PKD1L1: variants seen among roughly 807,000 people sequenced by gnomAD.
PKD1L1 encodes the protein polycystin-1-like protein 1.
Under a neutral mutation model 323.4 loss-of-function variants are expected in PKD1L1, and 236 were observed. That is an observed-to-expected ratio of 0.73 (90% CI 0.66 to 0.81). The LOEUF (loss-of-function observed/expected upper bound fraction) is 0.81. Ranked by LOEUF, PKD1L1 falls within the 40% of genes least tolerant of loss-of-function variation. The pLI is 0.00. For synonymous variants in PKD1L1, 1,344 were observed against 1,335.0 expected (o/e 1.01, Z -0.15); for missense variants, 3,320 against 3,508.0 (o/e 0.95, Z 1.35).
At chr7:47,781,043 T>C (rs4295569) in intron 56 of PKD1L1, among the ~76,000 whole-genome samples, 58,320 of 152,038 alleles carry the variant, frequency 0.38, 11,830 homozygotes, top group East Asian at 0.77. Flanking sequence ...GATGTGGTCT[T>C]TGCATTCTTC....
At position 47,800,853 on chromosome 7, in the gene PKD1L1, G is replaced by A; in HGVS notation, c.7989C>T (p.Ala2663=). 6.2e-7 allele frequency: 1 copy of A among 1,613,986 alleles called. No individual in the cohort carries two copies. Among genetic ancestry groups the A allele is most frequent in the Non-Finnish European group, 8.5e-7 (1 of 1,179,984 alleles). Residue 2663 remains alanine, a synonymous_variant, in exon 54 of 57, where the codon GCC becomes GCT. Coordinates refer to ENST00000289672, the MANE Select transcript of PKD1L1 (RefSeq NM_138295.5). ...GCAGAAATCGGTGCAGGTGGGAGAG[G>A]GCGGCCAGCATCAGTGCCCCCACCA... is the stretch of plus-strand genomic sequence containing the variant. ...AGLVGALMLA[A]LSHLHRFLLS...
rs768484818 is a variant in PKD1L1, at chr7:47,837,075, G to A, written c.5789C>T (p.Thr1930Ile). 3.1e-6 allele frequency: 5 copies of A among 1,614,156 alleles called. No homozygotes were observed. In the South Asian group the frequency reaches 3.3e-5, roughly 11 times the overall value. Residue 1930 changes from threonine to isoleucine, a missense_variant, in exon 37 of 57, where the codon ACA becomes ATA. Transcript: ENST00000289672. ...GFRKLFYCKF[T>I]EYLEDFHVWL... Reference sequence around the variant, plus strand: ...GACATGGAAATCCTCCAGGTACTCTGTGAACTTGCAATAGAAAAGCTGAAA... The same window carrying A: ...GACATGGAAATCCTCCAGGTACTCTATGAACTTGCAATAGAAAAGCTGAAA...
chr7:47,812,104 G>C (rs1784912273), intron 49 of PKD1L1, 53 bp from the exon 50 acceptor site: 4 of 1,430,492 alleles, frequency 2.8e-6, no homozygotes, highest in Non-Finnish European at 3.8e-6. Context: ...AGGCACAGAA[G>C]TCTACTGAGG....
intron 23 of PKD1L1, among the ~76,000 whole-genome samples, chr7:47,874,856 C>T (rs538689521): frequency 2.5e-4 from 38 of 152,256 alleles, no homozygotes; most frequent in African/African-American, 8.2e-4. Context: ...TGCTTATGTT[C>T]GCCCCCTTAC....
chr7:47,828,550 T>A (rs1028222220), intron 44 of PKD1L1, among the ~76,000 whole-genome samples: 6 of 152,148 alleles, frequency 3.9e-5, no homozygotes, highest in African/African-American at 1.4e-4. Flanking sequence ...CTGGGTCTAA[T>A]TGCTTCACCT....
At chr7:47,934,666 C>G (rs1414609669) in intron 4 of PKD1L1, among the ~76,000 whole-genome samples, 1 of 152,008 alleles carries the variant, frequency 6.6e-6, no homozygotes, top group East Asian at 1.9e-4. Flanking sequence ...GATTAAAGTC[C>G]GTGCATGTTT....
Position 47,835,041 on chromosome 7 carries a change from T to C in PKD1L1, c.6055-2A>G. The C allele has an allele frequency of 1.2e-6, 2 of 1,613,728 alleles. No homozygotes were observed. The highest frequency in any genetic ancestry group is 1.7e-6 in the Non-Finnish European group (2 of 1,179,796). ...CACTCGGGCAGACCCCGGGGCTTCCTGCAGAAGGAAAGAGGTGGTTCGCCA... is the reference window on the plus strand; with the variant it reads ...CACTCGGGCAGACCCCGGGGCTTCCCGCAGAAGGAAAGAGGTGGTTCGCCA... On this transcript the variant is annotated splice_acceptor_variant, in intron 38 of 56. Coordinates refer to ENST00000289672, the MANE Select transcript of PKD1L1 (RefSeq NM_138295.5). LOFTEE classifies it high-confidence loss of function.
In PKD1L1 at chr7:47,882,023, C is replaced by T; in HGVS notation, c.3328G>A (p.Gly1110Arg). 6.2e-7 allele frequency: 1 copy of T among 1,614,116 alleles called. No homozygotes were observed. The highest frequency in any genetic ancestry group is 8.5e-7 in the Non-Finnish European group (1 of 1,180,008). Residue 1110 changes from glycine (G) to arginine (R), a missense_variant, in exon 20 of 57, where the codon GGG becomes AGG. Coordinates refer to ENST00000289672, the MANE Select transcript of PKD1L1 (RefSeq NM_138295.5). ...AGGGAGGGGTCCACCAGGTTATCCC[C>T]ATCTCCAGGGCTCTCCTCGGCACTC... The part of the protein sequence containing the change: ...SLSAEESPGD[G>R]DNLVDPSLSA...
At chr7:47,919,819 C>T (rs907670474) in intron 7 of PKD1L1, among the ~76,000 whole-genome samples, 1 of 152,148 alleles carries the variant, frequency 6.6e-6, no homozygotes. Context: ...TCCAGCATCC[C>T]TTTATGATTA....
Position 47,833,267 on chromosome 7 carries a change from T to A in PKD1L1, c.6175-15A>T. ...GATGCAGGTTGCTAGAATGACAAGG[T>A]CATGCCAAGGTTAATATCTCCACAG... On this transcript the variant is annotated splice_polypyrimidine_tract_variant and intron_variant, in intron 40 of 56. Transcript: ENST00000289672. 6.2e-7 allele frequency: 1 copy of A among 1,609,870 alleles called. No individual in the cohort carries two copies. The highest frequency in any genetic ancestry group is 8.5e-7 in the Non-Finnish European group (1 of 1,177,788).
chr7:47,794,767 G>A (rs986031676), intron 55 of PKD1L1, among the ~76,000 whole-genome samples: 1 of 152,204 alleles, frequency 6.6e-6, no homozygotes, highest in African/African-American at 2.4e-5. Context: ...CAGGGGCAGA[G>A]CTGCCCAAGA....
chr7:47,930,385 G>T (rs1583682989), intron 6 of PKD1L1, among the ~76,000 whole-genome samples: 1 of 152,104 alleles, frequency 6.6e-6, no homozygotes, highest in East Asian at 1.9e-4. Flanking sequence ...GGTGACTGTA[G>T]TCCCAGCTAC....
intron 46 of PKD1L1, among the ~76,000 whole-genome samples, chr7:47,817,693 AC>A (rs1785049440): frequency 6.6e-6 from 1 of 152,072 alleles, no homozygotes; most frequent in East Asian, 1.9e-4. Flanking sequence ...ATATGGCTAA[AC>A]CCCCGTCTTT....
chr7:47,953,815 G>C, the PKD1L1 span, among the ~76,000 whole-genome samples: 1 of 152,096 alleles, frequency 6.6e-6, no homozygotes, highest in African/African-American at 2.4e-5. Flanking sequence ...TCCTTGGCAG[G>C]GTTTATTTGC....
At chr7:47,880,857 A>G in intron 20 of PKD1L1, 52 bp from the exon 21 acceptor site, 1 of 1,447,610 alleles carries the variant, frequency 6.9e-7, no homozygotes, top group South Asian at 1.2e-5. Flanking sequence ...TCTCAAGGAC[A>G]GAGGTCACAC....
chr7:47,959,757 C>A, the PKD1L1 span, among the ~76,000 whole-genome samples: 1 of 144,444 alleles, frequency 6.9e-6, no homozygotes, highest in Admixed American at 6.9e-5. Context: ...GAGGGGTCAG[C>A]CCCCCGCCCG....
At chr7:47,826,357 T>C (rs963637647) in intron 45 of PKD1L1, among the ~76,000 whole-genome samples, 1 of 152,080 alleles carries the variant, frequency 6.6e-6, no homozygotes, top group Non-Finnish European at 1.5e-5. Context: ...TATGAGGAGG[T>C]TTGATAAGAT....
At chr7:47,853,311 T>C in intron 30 of PKD1L1, 84 bp from the exon 31 acceptor site, 1 of 1,016,088 alleles carries the variant, frequency 9.8e-7, no homozygotes, top group East Asian at 2.4e-5. Context: ...AAGAGTTTAC[T>C]CAATTTGTGC....
At chr7:47,834,533 T>C in intron 39 of PKD1L1, 148 bp from the exon 40 acceptor site, 2 of 744,428 alleles carry the variant, frequency 2.7e-6, no homozygotes, top group Non-Finnish European at 4.5e-6. Flanking sequence ...TCTGAGAGGA[T>C]AAGGCTAGAA....
Sources: gnomAD v4.1 joint callset for allele counts (sites outside exome capture counted in the v4.1 genomes callset) on GRCh38, gnomAD v4.1.1 for gene constraint, MANE v1.5 for transcripts, NCBI Gene and HGNC (gene_info 2026-07-23, HGNC 2026-07-21) for gene names.